Variants in KLRC1 observed in about 807,000 individuals in gnomAD.
The protein encoded by KLRC1 is NKG2-A/NKG2-B type II integral membrane protein.
Under a neutral mutation model 25.9 loss-of-function variants are expected in KLRC1, and 22 were observed. The ratio of observed to expected loss-of-function variants is 0.85; its 90% CI spans 0.61 to 1.21. The LOEUF is 1.21. Ranked by LOEUF, KLRC1 falls within the 50% of genes most tolerant of loss-of-function variation. The pLI, the probability that KLRC1 is intolerant of heterozygous loss-of-function variation, is 0.00. For synonymous variants in KLRC1, 77 were observed against 93.1 expected (o/e 0.83, Z 0.99); for missense variants, 240 against 272.2 (o/e 0.88, Z 0.83).
chr12:10,446,531 CA>C lies in KLRC1; in HGVS notation c.*19del. 1 of 1,599,310 alleles carries C rather than the reference CA, an allele frequency of 6.3e-7. No homozygotes were observed. On this transcript the variant is annotated 3_prime_UTR_variant, in exon 7 of 7. Transcript: ENST00000359151. The stretch of plus-strand genomic sequence containing the variant: ...AATATACAATTTATCTGATGCACTG[CA>C]AATGCAAACGCTTTACCTCTAAAGC...
intron 3 of KLRC1, chr12:10,450,280 A>G (rs985403354): frequency 2.0e-6 from 1 of 493,710 alleles, no homozygotes; most frequent in Admixed American, 3.8e-5. Context: ...ATCCAAATAT[A>G]TACATACGAT....
chr12:10,445,656 G>T (rs1296091553), downstream of KLRC1, among the ~76,000 whole-genome samples: 1 of 151,962 alleles, frequency 6.6e-6, no homozygotes, highest in Non-Finnish European at 1.5e-5. Flanking sequence ...AGATAAAATT[G>T]CTCGTTATAT....
chr12:10,444,746 T>C (rs908032004), downstream of KLRC1, among the ~76,000 whole-genome samples: 5 of 152,086 alleles, frequency 3.3e-5, no homozygotes, highest in African/African-American at 1.2e-4. Context: ...AATAAAGCAG[T>C]ACGCTCAATA....
chr12:10,449,171 T>C, intron 5 of KLRC1, 66 bp downstream of exon 5: 2 of 1,599,492 alleles, frequency 1.3e-6, no homozygotes, highest in Non-Finnish European at 8.6e-7. Context: ...ATATGGATGA[T>C]TTCTACAAAT....
downstream of KLRC1, among the ~76,000 whole-genome samples, chr12:10,444,273 G>C (rs1280081478): frequency 6.9e-6 from 1 of 143,954 alleles, no homozygotes; most frequent in Non-Finnish European, 1.5e-5. Flanking sequence ...TCACGATAAA[G>C]AATAATGTTA....
At chr12:10,445,070 C>A (rs1367347609), downstream of KLRC1, among the ~76,000 whole-genome samples, 1 of 151,870 alleles carries the variant, frequency 6.6e-6, no homozygotes, top group African/African-American at 2.4e-5. Context: ...TAGGTGCACA[C>A]CACCACACCC....
downstream of KLRC1, among the ~76,000 whole-genome samples, chr12:10,445,701 T>A (rs1296146410): frequency 6.6e-6 from 1 of 152,162 alleles, no homozygotes; most frequent in Non-Finnish European, 1.5e-5. Flanking sequence ...GTTGACATAA[T>A]AGATTTACAT....
intron 6 of KLRC1, among the ~76,000 whole-genome samples, chr12:10,446,941 T>C (rs1863998767): frequency 6.6e-6 from 1 of 152,174 alleles, no homozygotes; most frequent in Admixed American, 6.5e-5. Context: ...TGTGATAAAA[T>C]TTAATTTATA....
At chr12:10,453,382 A>G, upstream of KLRC1, 1 of 985,242 alleles carries the variant, frequency 1.0e-6, no homozygotes, top group Non-Finnish European at 1.2e-6. Flanking sequence ...GAGTGGAAAA[A>G]GTAGATTTCT....
downstream of KLRC1, among the ~76,000 whole-genome samples, chr12:10,443,953 A>G (rs200044589): frequency 6.5e-5 from 9 of 137,580 alleles, no homozygotes; most frequent in East Asian, 1.9e-3. Flanking sequence ...TTCTAACTAC[A>G]GTTTACCTAC....
At position 10,446,666 on chromosome 12, in the gene KLRC1, T is replaced by TA; in HGVS notation, c.591-5dup. The TA allele has an allele frequency of 1.2e-6, 2 of 1,613,552 alleles. No homozygotes were observed. Among genetic ancestry groups the TA allele is most frequent in the Non-Finnish European group, 1.7e-6 (2 of 1,179,584 alleles). ...AGCATTATCTGAGTCTTTTATCCTGTAATGGAGAAAAATCCATATTCTGTT... is the reference window on the plus strand; with the variant it reads ...AGCATTATCTGAGTCTTTTATCCTGTAAATGGAGAAAAATCCATATTCTGTT... On this transcript the variant is annotated splice_region_variant and splice_polypyrimidine_tract_variant and intron_variant, in intron 6 of 6. Coordinates refer to ENST00000359151, the MANE Select transcript of KLRC1 (RefSeq NM_002259.5).
downstream of KLRC1, chr12:10,445,913 C>A (rs971781326): frequency 6.6e-6 from 1 of 151,700 alleles, no homozygotes; most frequent in Non-Finnish European, 1.5e-5. Context: ...AAAGATAACA[C>A]AGTACATTGA....
chr12:10,450,945 A>G lies in KLRC1; in HGVS notation c.187+25T>C, dbSNP rs148497422. 1.1e-3 allele frequency: 1,686 copies of G among 1,549,786 alleles called. 34 individuals carry two copies. The Admixed American group carries it at 0.027, about 25-fold the overall frequency. On this transcript the variant is annotated intron_variant, in intron 2 of 6. Coordinates refer to ENST00000359151, the MANE Select transcript of KLRC1 (RefSeq NM_002259.5). ...CAAGCTGCACATCCTAGACTGTTATATTGAGGATCTTTTAAATGCTTTACC... is the reference window on the plus strand; with the variant it reads ...CAAGCTGCACATCCTAGACTGTTATGTTGAGGATCTTTTAAATGCTTTACC...
At chr12:10,445,550 T>C (rs1294230151), downstream of KLRC1, among the ~76,000 whole-genome samples, 3 of 152,160 alleles carry the variant, frequency 2.0e-5, no homozygotes, top group African/African-American at 7.2e-5. Context: ...TACCTTCTAT[T>C]CAACTATGGG....
At position 10,451,039 on chromosome 12, in the gene KLRC1, A is replaced by G. The variant is rs1037396299; in HGVS notation, c.118T>C (p.Tyr40His). The G allele has an allele frequency of 1.2e-6, 2 of 1,613,872 alleles. No individual in the cohort carries two copies. Among genetic ancestry groups the G allele is most frequent in the African/African-American group, 1.3e-5 (1 of 74,898 alleles). The change falls in exon 2 of 7, where the codon TAT becomes CAT. Residue 40 changes from tyrosine to histidine, a missense_variant. Tyr to His is a moderately conservative substitution (Grantham distance 83). Coordinates refer to ENST00000359151, the MANE Select transcript of KLRC1 (RefSeq NM_002259.5). ...SILATEQEIT[Y>H]AELNLQKASQ... ...GCTTTTTGAAGGTTTAATTCCGCAT[A>G]GGTTATTTCCTGTTCAGTTGCTAAA...
chr12:10,449,990 T>C, intron 3 of KLRC1, 23 bp from the exon 4 acceptor site: 1 of 1,432,186 alleles, frequency 7.0e-7, no homozygotes, highest in Non-Finnish European at 9.3e-7. Context: ...AAGTAATCTT[T>C]GTAAAAAAAT....
chr12:10,450,606 C>A (rs373817300), intron 2 of KLRC1, 27 bp from the exon 3 acceptor site: 5 of 1,387,538 alleles, frequency 3.6e-6, no homozygotes, highest in African/African-American at 1.4e-5. Context: ...GGGAACAGTG[C>A]GAAAGGAGAG....
At chr12:10,448,274 C>T (rs71450096) in intron 5 of KLRC1, among the ~76,000 whole-genome samples, 36 of 152,192 alleles carry the variant, frequency 2.4e-4, no homozygotes, top group African/African-American at 6.7e-4. Flanking sequence ...AGTGTCCGAG[C>T]GAGCATGTTA....
chr12:10,449,889 T>A (rs977658748), intron 4 of KLRC1, 25 bp downstream of exon 4: 2 of 1,426,530 alleles, frequency 1.4e-6, no homozygotes, highest in Non-Finnish European at 9.3e-7. Flanking sequence ...TGTACAATAT[T>A]AAAACTTTAA....
Sources: gnomAD v4.1 joint callset for allele counts (sites outside exome capture counted in the v4.1 genomes callset) on GRCh38, gnomAD v4.1.1 for gene constraint, MANE v1.5 for transcripts, NCBI Gene and HGNC (gene_info 2026-07-23, HGNC 2026-07-21) for gene names.